ITGA4: variants seen among roughly 807,000 people sequenced by gnomAD.
The protein encoded by ITGA4 is integrin subunit alpha 4.
A neutral mutation model predicts 133.6 loss-of-function variants in ITGA4; 63 were observed. The observed-to-expected ratio is 0.47, with a 90% CI of 0.38 to 0.58. ITGA4 has a LOEUF of 0.58. Ranked by LOEUF, ITGA4 falls within the 20% of genes least tolerant of loss-of-function variation. The probability of loss-of-function intolerance (pLI) is 0.00; values close to 1 mark genes in which losing one functional copy is unlikely to be tolerated. For synonymous variants in ITGA4, 483 were observed against 438.0 expected (o/e 1.10, Z -1.28); for missense variants, 1,076 against 1,252.7 (o/e 0.86, Z 2.13).
intron 10 of ITGA4, among the ~76,000 whole-genome samples, chr2:181,490,012 T>C (rs923719810): frequency 6.6e-6 from 1 of 151,846 alleles, no homozygotes; most frequent in Non-Finnish European, 1.5e-5. Context: ...CGTGAGAGGG[T>C]CGTGATTGAT....
intron 27 of ITGA4, 88 bp downstream of exon 27, chr2:181,535,023 A>G: frequency 7.2e-7 from 1 of 1,384,688 alleles, no homozygotes; most frequent in Non-Finnish European, 9.6e-7. Context: ...AGATTTAAAT[A>G]TTTCACTATT....
intron 15 of ITGA4, among the ~76,000 whole-genome samples, chr2:181,503,450 T>G (rs939322222): frequency 1.3e-5 from 2 of 151,982 alleles, no homozygotes; most frequent in African/African-American, 4.8e-5. Flanking sequence ...ATCCGGTTAG[T>G]AGGGGAATCA....
intron 15 of ITGA4, among the ~76,000 whole-genome samples, chr2:181,501,392 T>C (rs1574399543): frequency 6.6e-6 from 1 of 152,286 alleles, no homozygotes; most frequent in Middle Eastern, 3.4e-3. Flanking sequence ...AGAGATTATA[T>C]AGAACCTGTG....
intron 10 of ITGA4, among the ~76,000 whole-genome samples, chr2:181,488,459 A>G (rs958444962): frequency 4.6e-5 from 7 of 152,158 alleles, no homozygotes; most frequent in African/African-American, 1.4e-4. Flanking sequence ...TTATAATGTC[A>G]TTTATAATTC....
chr2:181,458,083 C>T (rs1234203630), intron 1 of ITGA4, 113 bp from the exon 2 acceptor site: 3 of 1,413,418 alleles, frequency 2.1e-6, no homozygotes, highest in Admixed American at 1.8e-5. Flanking sequence ...GGGTGGTGGG[C>T]GGAGGAGGAG....
At position 181,501,666 on chromosome 2, in the gene ITGA4, T is replaced by C. The variant is rs1295517840; in HGVS notation, c.1695+2889T>C. Among the ~76,000 whole-genome samples, 3 of 152,300 alleles carry C rather than the reference T, an allele frequency of 2.0e-5. No homozygotes were observed. The East Asian group carries it at 5.8e-4, about 29-fold the overall frequency. ...TTACAATTTGCTGAGAGACTGGATG[T>C]CTGGCATCTGAGAAAGAGGCTCTGT... On this transcript the variant is annotated intron_variant, in intron 15 of 27. Transcript: ENST00000397033.
intron 17 of ITGA4, among the ~76,000 whole-genome samples, chr2:181,520,979 T>C (rs957714538): frequency 7.2e-5 from 11 of 152,204 alleles, no homozygotes; most frequent in Non-Finnish European, 1.3e-4. Context: ...CTACTGTATC[T>C]TTAGTATTTC....
At chr2:181,460,566 A>AATATGTGTGTGTGTGTGTGTGT (rs79689303) in intron 2 of ITGA4, among the ~76,000 whole-genome samples, 8 of 147,958 alleles carry the variant, frequency 5.4e-5, no homozygotes, top group African/African-American at 2.0e-4. Context: ...TCTGTAGAAG[A>AATATGTGTGTGTGTGTGTGTGT]GTGTGTGTGT....
chr2:181,481,629 C>T lies in ITGA4; in HGVS notation c.786C>T (p.Ser262=). The T allele has an allele frequency of 1.3e-6, 2 of 1,598,914 alleles. No individual in the cohort carries two copies. The highest frequency in any genetic ancestry group is 1.1e-5 in the South Asian group (1 of 89,948). Reference sequence around the variant, plus strand: ...CAGTCGGAGCTGGTCATTTTCGGAGCCAGCATACTACCGAAGTAGTCGGAG... The same window carrying T: ...CAGTCGGAGCTGGTCATTTTCGGAGTCAGCATACTACCGAAGTAGTCGGAG... ...GYSVGAGHFR[S]QHTTEVVGGA... Residue 262 remains serine, a synonymous_variant, in exon 7 of 28, where the codon AGC becomes AGT. Transcript: ENST00000397033.
chr2:181,520,289 C>T (rs1559054637), intron 17 of ITGA4, among the ~76,000 whole-genome samples: 1 of 152,012 alleles, frequency 6.6e-6, no homozygotes, highest in Non-Finnish European at 1.5e-5. Context: ...CATCAGAGTG[C>T]TAGTTTGAAG....
chr2:181,485,081 A>G (rs550400268), intron 9 of ITGA4, among the ~76,000 whole-genome samples: 111 of 152,246 alleles, frequency 7.3e-4, no homozygotes, highest in Non-Finnish European at 1.3e-3. Flanking sequence ...CCTCCTTCCT[A>G]GTTATCAGTT....
chr2:181,474,501 A>G (rs1292005836), intron 2 of ITGA4, among the ~76,000 whole-genome samples: 2 of 152,236 alleles, frequency 1.3e-5, no homozygotes, highest in Non-Finnish European at 2.9e-5. Context: ...TTCCAGCTCC[A>G]ATAAATTGTA....
At chr2:181,477,668 T>A (rs966449590) in intron 4 of ITGA4, among the ~76,000 whole-genome samples, 2 of 152,074 alleles carry the variant, frequency 1.3e-5, no homozygotes, top group African/African-American at 4.8e-5. Flanking sequence ...CCTATTAGAA[T>A]TGTCATTATC....
intron 27 of ITGA4, 61 bp from the exon 28 acceptor site, chr2:181,535,371 G>C: frequency 1.6e-6 from 2 of 1,277,474 alleles, no homozygotes; most frequent in South Asian, 3.0e-5. Flanking sequence ...TTAGAAATGA[G>C]TATAGTAGAT....
chr2:181,494,882 G>T, intron 12 of ITGA4, 70 bp downstream of exon 12: 2 of 823,606 alleles, frequency 2.4e-6, no homozygotes. Flanking sequence ...TTATAGTGAA[G>T]TACGTAAAAC....
At chr2:181,509,959 G>A (rs1360124892) in intron 16 of ITGA4, 152 bp downstream of exon 16, 7 of 580,112 alleles carry the variant, frequency 1.2e-5, no homozygotes, top group South Asian at 6.6e-5. Flanking sequence ...TCTTTAAATT[G>A]TTTATATTCC....
At position 181,537,966 on chromosome 2, in the gene ITGA4, G is replaced by C. The variant is rs1176683433; in HGVS notation, c.*2439G>C. 1.5e-5 allele frequency: 10 copies of C among 650,786 alleles called. No individual in the cohort carries two copies. In the African/African-American group the frequency reaches 1.8e-4, roughly 12 times the overall value. The allele number at this position is 650,786 out of a possible 1,614,324, so 40.3% of individuals were successfully genotyped here. ...GAAGTGCGAACCATATGGTGAACTG[G>C]TATGTGAGGGATCTAGAGTGCCATG... On this transcript the variant is annotated 3_prime_UTR_variant, in exon 28 of 28. Transcript: ENST00000397033.
intron 2 of ITGA4, among the ~76,000 whole-genome samples, chr2:181,464,091 GA>G (rs934135157): frequency 3.3e-5 from 5 of 151,750 alleles, no homozygotes; most frequent in African/African-American, 9.7e-5. Context: ...AAAAGAGGCT[GA>G]AAAAAAGGCT....
chr2:181,534,936 G>GCT lies in ITGA4; in HGVS notation c.3003+1_3003+2insCT. On this transcript the variant is annotated splice_donor_variant, in intron 27 of 27. Transcript: ENST00000397033. LOFTEE classifies it high-confidence loss of function. ...ATTGATCTCATATGTTATGTGGAAGGTAAGCATTTAACAATTACCAACATT... is the reference window on the plus strand; with the variant it reads ...ATTGATCTCATATGTTATGTGGAAGGCTTAAGCATTTAACAATTACCAACATT... The GCT allele has an allele frequency of 6.4e-7, 1 of 1,560,320 alleles. No individual in the cohort carries two copies. Among genetic ancestry groups the GCT allele is most frequent in the East Asian group, 2.3e-5 (1 of 43,550 alleles).
Sources: gnomAD v4.1 joint callset for allele counts (sites outside exome capture counted in the v4.1 genomes callset) on GRCh38, gnomAD v4.1.1 for gene constraint, MANE v1.5 for transcripts, NCBI Gene and HGNC (gene_info 2026-07-23, HGNC 2026-07-21) for gene names.